The following RAB3GAP2 variants were observed in gnomAD, a reference collection of about 807,000 sequenced individuals.
The protein encoded by RAB3GAP2 is RAB3 GTPase activating non-catalytic protein subunit 2, also known as rab3 GTPase-activating protein non-catalytic subunit.
In RAB3GAP2, 87 loss-of-function variants were observed where a neutral mutation model predicts 185.3. The observed-to-expected ratio is 0.47, with a 90% CI of 0.39 to 0.56. The LOEUF (loss-of-function observed/expected upper bound fraction) is 0.56. Among genes scored for constraint, RAB3GAP2 ranks in the 20% least tolerant of loss-of-function variants. RAB3GAP2 has a pLI of 0.00. For missense variants in RAB3GAP2, 1,492 were observed against 1,638.2 expected (o/e 0.91, Z 1.54); for synonymous variants, 554 against 576.1 (o/e 0.96, Z 0.55).
At chr1:220,190,277 GA>G (rs1658590394) in intron 15 of RAB3GAP2, 99 bp downstream of exon 15, 13 of 1,567,182 alleles carry the variant, frequency 8.3e-6, no homozygotes, top group African/African-American at 8.1e-5. Context: ...AAAGACAAAG[GA>G]AACAACAAAA....
At chr1:220,223,926 G>T (rs936267028) in intron 2 of RAB3GAP2, among the ~76,000 whole-genome samples, 4 of 148,266 alleles carry the variant, frequency 2.7e-5, no homozygotes, top group Admixed American at 6.8e-5. Flanking sequence ...AAAAATTAGA[G>T]GCCTGGGAGG....
At chr1:220,271,889 G>A (rs1361431446) in intron 1 of RAB3GAP2, among the ~76,000 whole-genome samples, 1 of 132,972 alleles carries the variant, frequency 7.5e-6, no homozygotes, top group African/African-American at 2.8e-5. Context: ...GATGGGAGAC[G>A]GAGAAGATAC....
At chr1:220,255,152 CT>C (rs1660011913) in intron 1 of RAB3GAP2, among the ~76,000 whole-genome samples, 1 of 150,958 alleles carries the variant, frequency 6.6e-6, no homozygotes, top group Admixed American at 6.6e-5. Flanking sequence ...AAAAGTCAAT[CT>C]TTTAGGAATT....
At chr1:220,195,892 G>A (rs1358839668) in intron 10 of RAB3GAP2, among the ~76,000 whole-genome samples, 1 of 152,124 alleles carries the variant, frequency 6.6e-6, no homozygotes, top group Non-Finnish European at 1.5e-5. Context: ...CTTATAACAA[G>A]TATAGTTGGC....
intron 21 of RAB3GAP2, among the ~76,000 whole-genome samples, chr1:220,179,902 G>A (rs59935950): frequency 0.046 from 7,052 of 152,192 alleles, 198 homozygotes; most frequent in African/African-American, 0.077. Context: ...GGTGGCTCAC[G>A]CCTGTAATCC....
At chr1:220,237,493 T>A (rs1162364383) in intron 1 of RAB3GAP2, among the ~76,000 whole-genome samples, 3 of 152,162 alleles carry the variant, frequency 2.0e-5, no homozygotes, top group African/African-American at 7.2e-5. Context: ...CTCCTGCAGA[T>A]CCCCCCTTGA....
intron 1 of RAB3GAP2, among the ~76,000 whole-genome samples, chr1:220,269,494 C>T (rs1373032993): frequency 6.6e-6 from 1 of 152,166 alleles, no homozygotes; most frequent in Non-Finnish European, 1.5e-5. Flanking sequence ...GAGGCCAAGG[C>T]AGGTGGATCG....
Position 220,198,080 on chromosome 1 carries a change from T to C in RAB3GAP2, c.812-1682A>G, listed in dbSNP as rs578012571. Among the ~76,000 whole-genome samples the C allele has an allele frequency of 3.3e-5, 5 of 152,272 alleles. No homozygotes were observed. In the East Asian group the frequency reaches 9.6e-4, roughly 29 times the overall value. The stretch of plus-strand genomic sequence containing the variant: ...ACTATTTATCAAGTACCTCTTGGGA[T>C]CACTTCCCTTTCCATCCAGCTTAGC... On this transcript the variant is annotated intron_variant, in intron 9 of 34. Coordinates refer to ENST00000358951, the MANE Select transcript of RAB3GAP2 (RefSeq NM_012414.4).
At chr1:220,186,398 T>C (rs928019225) in intron 17 of RAB3GAP2, among the ~76,000 whole-genome samples, 4 of 152,202 alleles carry the variant, frequency 2.6e-5, no homozygotes, top group Non-Finnish European at 4.4e-5. Context: ...AGGCTGAGAA[T>C]GTGGGATAAG....
intron 2 of RAB3GAP2, among the ~76,000 whole-genome samples, chr1:220,214,731 A>G (rs1659152719): frequency 6.6e-6 from 1 of 151,606 alleles, no homozygotes; most frequent in African/African-American, 2.4e-5. Flanking sequence ...TCTCTTTTTC[A>G]TTAGACGTTT....
chr1:220,162,293 A>G, intron 27 of RAB3GAP2, 25 bp from the exon 28 acceptor site: 1 of 1,483,130 alleles, frequency 6.7e-7, no homozygotes, highest in Admixed American at 1.7e-5. Flanking sequence ...AAAGTAGTAA[A>G]TAGAATGCTT....
At position 220,204,363 on chromosome 1, in the gene RAB3GAP2, T is replaced by C. The variant is rs576502737; in HGVS notation, c.712+1544A>G. Among the ~76,000 whole-genome samples the C allele has an allele frequency of 2.6e-5, 4 of 152,322 alleles. No individual in the cohort carries two copies. In the South Asian group the frequency reaches 8.3e-4, roughly 32 times the overall value. ...TAGCCAACCATAAGCTTCATTATCT[T>C]GAGAACATTTAAAATACTCATCATT... On this transcript the variant is annotated intron_variant, in intron 8 of 34. Coordinates refer to ENST00000358951, the MANE Select transcript of RAB3GAP2 (RefSeq NM_012414.4).
intron 27 of RAB3GAP2, among the ~76,000 whole-genome samples, chr1:220,163,744 C>CATACAA (rs775527991): frequency 8.1e-6 from 1 of 123,024 alleles, no homozygotes; most frequent in Non-Finnish European, 1.6e-5. Context: ...TAAATACATA[C>CATACAA]ATATATATAT....
rs142044043 is a variant in RAB3GAP2 at position 220,184,122 on chromosome 1, T to C, written c.1912A>G (p.Asn638Asp). 1.9e-6 allele frequency: 3 copies of C among 1,611,030 alleles called. No homozygotes were observed. The highest frequency in any genetic ancestry group is 1.1e-5 in the South Asian group (1 of 90,970). ...VDEGLLQFCA[N>D]KLKLLQLYES... is the part of the protein sequence containing the mutation. Reference sequence around the variant, plus strand: ...TAGAGTTGCAGCAGTTTTAGTTTATTGGCACAAAACTGTAGCAATCCTTCA... The same window carrying C: ...TAGAGTTGCAGCAGTTTTAGTTTATCGGCACAAAACTGTAGCAATCCTTCA... The change falls in exon 19 of 35, where the codon AAT (asparagine) becomes GAT (aspartate). Residue 638 changes from asparagine (N) to aspartate (D), a missense_variant. Asn to Asp is a conservative substitution (Grantham distance 23). Around this residue, in one of 5 missense-constraint regions of RAB3GAP2, gnomAD observed 681 missense variants for 689.1 expected, o/e 0.99. Coordinates refer to ENST00000358951, the MANE Select transcript of RAB3GAP2 (RefSeq NM_012414.4).
At chr1:220,227,088 GTTGT>G (rs1659416083) in intron 2 of RAB3GAP2, among the ~76,000 whole-genome samples, 1 of 152,194 alleles carries the variant, frequency 6.6e-6, no homozygotes, top group East Asian at 1.9e-4. Flanking sequence ...ATAAGTTTTT[GTTGT>G]TTAAGTCACC....
intron 34 of RAB3GAP2, 30 bp downstream of exon 34, chr1:220,151,576 T>C: frequency 6.3e-7 from 1 of 1,597,984 alleles, no homozygotes; most frequent in Non-Finnish European, 8.6e-7. Context: ...TCCAATGACC[T>C]TTTGCCTGAT....
Position 220,182,378 on chromosome 1 carries a change from A to T in RAB3GAP2, c.2213-24T>A, listed in dbSNP as rs775634068. ...ACCTGGTAGAAGAAAAACAAAGCAC[A>T]TTAATCAATGACTACTTACCATTTG... On this transcript the variant is annotated intron_variant, in intron 20 of 34. Coordinates refer to ENST00000358951, the MANE Select transcript of RAB3GAP2 (RefSeq NM_012414.4). 1.2e-5 allele frequency: 19 copies of T among 1,613,744 alleles called. No individual in the cohort carries two copies. The Admixed American group carries it at 3.0e-4, about 25-fold the overall frequency.
At chr1:220,167,458 T>A (rs1658090887) in intron 25 of RAB3GAP2, 44 bp downstream of exon 25, 1 of 1,613,348 alleles carries the variant, frequency 6.2e-7, no homozygotes, top group Non-Finnish European at 8.5e-7. Context: ...CTTGGCCACA[T>A]CTTTCCAATT....
intron 8 of RAB3GAP2, among the ~76,000 whole-genome samples, chr1:220,203,370 T>C (rs1558154180): frequency 6.6e-6 from 1 of 152,052 alleles, no homozygotes; most frequent in African/African-American, 2.4e-5. Context: ...AAAATAATAA[T>C]AAAGAAAAAA....
Sources: allele counts gnomAD v4.1 joint callset (sites outside exome capture counted in the v4.1 genomes callset), GRCh38; gene constraint gnomAD v4.1.1; regional missense constraint gnomAD v4.1.1; transcripts MANE v1.5; gene names NCBI Gene and HGNC (gene_info 2026-07-23, HGNC 2026-07-21).